The following KCNH7 variants were observed in gnomAD, a reference collection of about 807,000 sequenced individuals.
The protein encoded by KCNH7 is potassium voltage-gated channel subfamily H member 7, also known as voltage-gated inwardly rectifying potassium channel KCNH7.
In KCNH7, 49 loss-of-function variants were observed where a neutral mutation model predicts 120.8. The observed-to-expected ratio is 0.41, with a 90% CI of 0.32 to 0.51. The LOEUF (loss-of-function observed/expected upper bound fraction) is 0.51, where lower values mean the gene tolerates loss of function less well. Ranked by LOEUF, KCNH7 falls within the 20% of genes least tolerant of loss-of-function variation. The pLI, the probability that KCNH7 is intolerant of heterozygous loss-of-function variation, is 0.38. For missense variants in KCNH7, 1,097 were observed against 1,446.6 expected (o/e 0.76, Z 3.92); for synonymous variants, 547 against 516.1 (o/e 1.06, Z -0.81).
chr2:162,455,339 G>A (rs1255289198), intron 6 of KCNH7, among the ~76,000 whole-genome samples: 2 of 152,258 alleles, frequency 1.3e-5, no homozygotes, highest in African/African-American at 4.8e-5. Context: ...TGGTTTGCCA[G>A]TATTTTATAG....
At chr2:162,415,822 T>C (rs1258543600) in intron 9 of KCNH7, among the ~76,000 whole-genome samples, 1 of 152,180 alleles carries the variant, frequency 6.6e-6, no homozygotes, top group Non-Finnish European at 1.5e-5. Flanking sequence ...GCATGGGATA[T>C]AAATGTTATG....
chr2:162,693,767 G>C (rs78417171), intron 2 of KCNH7, among the ~76,000 whole-genome samples: 1 of 152,000 alleles, frequency 6.6e-6, no homozygotes, highest in Admixed American at 6.6e-5. Context: ...AAAAGAATGA[G>C]GATAATTTCC....
chr2:162,792,425 G>T (rs1160516918), intron 2 of KCNH7, among the ~76,000 whole-genome samples: 1 of 151,862 alleles, frequency 6.6e-6, no homozygotes, highest in Non-Finnish European at 1.5e-5. Context: ...GCTTTTTTTG[G>T]TTAGTAAGCT....
intron 12 of KCNH7, among the ~76,000 whole-genome samples, chr2:162,388,291 A>G (rs906447956): frequency 1.3e-5 from 2 of 151,854 alleles, no homozygotes; most frequent in East Asian, 3.9e-4. Context: ...CAGTATGGTA[A>G]CAATAGTAAA....
At chr2:162,614,725 T>C (rs1683082099) in intron 2 of KCNH7, among the ~76,000 whole-genome samples, 1 of 148,722 alleles carries the variant, frequency 6.7e-6, no homozygotes, top group South Asian at 2.1e-4. Flanking sequence ...ATATTATATA[T>C]ATATTTGTAG....
chr2:162,568,219 C>T (rs892299658), intron 2 of KCNH7, among the ~76,000 whole-genome samples: 16 of 151,928 alleles, frequency 1.1e-4, no homozygotes, highest in African/African-American at 3.9e-4. Context: ...GGAACCACCC[C>T]CATGATTCAA....
At chr2:162,522,914 G>A (rs1691580699) in intron 3 of KCNH7, among the ~76,000 whole-genome samples, 1 of 151,734 alleles carries the variant, frequency 6.6e-6, no homozygotes, top group African/African-American at 2.4e-5. Context: ...TTGTGAAGAT[G>A]CTGAATATAA....
intron 9 of KCNH7, among the ~76,000 whole-genome samples, chr2:162,416,008 T>G (rs1687532707): frequency 6.6e-6 from 1 of 152,172 alleles, no homozygotes; most frequent in African/African-American, 2.4e-5. Context: ...CATTATACTC[T>G]CCTTTGTTCT....
At chr2:162,383,260 C>A (rs993733607) in intron 13 of KCNH7, among the ~76,000 whole-genome samples, 1 of 151,968 alleles carries the variant, frequency 6.6e-6, no homozygotes. Context: ...CTCTTCAGAA[C>A]TTGTGACTTC....
At chr2:162,470,779 C>T (rs574360347) in intron 6 of KCNH7, among the ~76,000 whole-genome samples, 55 of 152,272 alleles carry the variant, frequency 3.6e-4, no homozygotes, top group African/African-American at 1.3e-3. Context: ...GCCATGATGA[C>T]AATGGTGGTT....
At chr2:162,498,290 G>A (rs1690561978) in intron 6 of KCNH7, among the ~76,000 whole-genome samples, 1 of 151,164 alleles carries the variant, frequency 6.6e-6, no homozygotes, top group African/African-American at 2.4e-5. Context: ...GTAAACTATT[G>A]TTACTTTCAT....
chr2:162,791,582 C>T (rs1683946228), intron 2 of KCNH7, among the ~76,000 whole-genome samples: 1 of 151,708 alleles, frequency 6.6e-6, no homozygotes, highest in East Asian at 1.9e-4. Flanking sequence ...TGGCTCTCAG[C>T]TTGATTGTTG....
At chr2:162,671,078 C>T (rs1298505658) in intron 2 of KCNH7, among the ~76,000 whole-genome samples, 1 of 151,900 alleles carries the variant, frequency 6.6e-6, no homozygotes, top group East Asian at 1.9e-4. Context: ...AAACAACAGA[C>T]ATTGGTGAGG....
At chr2:162,555,905 A>T (rs1692840067) in intron 2 of KCNH7, among the ~76,000 whole-genome samples, 1 of 152,064 alleles carries the variant, frequency 6.6e-6, no homozygotes, top group Non-Finnish European at 1.5e-5. Flanking sequence ...GTAAATAAAG[A>T]TGTTAATTTC....
chr2:162,649,300 C>T (rs959581787), intron 2 of KCNH7, among the ~76,000 whole-genome samples: 1 of 152,016 alleles, frequency 6.6e-6, no homozygotes, highest in Non-Finnish European at 1.5e-5. Flanking sequence ...ATAATTATGT[C>T]ACAAGACTTT....
intron 2 of KCNH7, among the ~76,000 whole-genome samples, chr2:162,648,138 C>A (rs1156748317): frequency 6.6e-6 from 1 of 152,114 alleles, no homozygotes; most frequent in Non-Finnish European, 1.5e-5. Context: ...CTACCTGAGA[C>A]TGAGTAATTT....
At chr2:162,689,626 A>G (rs2105326186) in intron 2 of KCNH7, among the ~76,000 whole-genome samples, 1 of 152,268 alleles carries the variant, frequency 6.6e-6, no homozygotes, top group Non-Finnish European at 1.5e-5. Context: ...TAGGCCTCAC[A>G]TTTTAATATA....
chr2:162,471,176 T>C (rs1689512138), intron 6 of KCNH7, among the ~76,000 whole-genome samples: 1 of 151,340 alleles, frequency 6.6e-6, no homozygotes, highest in Admixed American at 6.6e-5. Flanking sequence ...CTGCTGACCT[T>C]CCCTTCACTA....
intron 2 of KCNH7, among the ~76,000 whole-genome samples, chr2:162,685,349 A>C (rs982635984): frequency 1.3e-5 from 2 of 152,132 alleles, no homozygotes; most frequent in Non-Finnish European, 2.9e-5. Context: ...TATAATAAAA[A>C]AAAAGATATT....
Sources: gnomAD v4.1 joint callset for allele counts (sites outside exome capture counted in the v4.1 genomes callset) on GRCh38, gnomAD v4.1.1 for gene constraint, MANE v1.5 for transcripts, NCBI Gene and HGNC (gene_info 2026-07-23, HGNC 2026-07-21) for gene names.